GTF2IRD1: variants seen among roughly 807,000 people sequenced by gnomAD.
The protein encoded by GTF2IRD1 is general transcription factor II-I repeat domain-containing protein 1.
In GTF2IRD1, 26 loss-of-function variants were observed where a neutral mutation model predicts 113.2. That is an observed-to-expected ratio of 0.23 (90% CI 0.17 to 0.32). The LOEUF (loss-of-function observed/expected upper bound fraction) is 0.32, where lower values mean the gene tolerates loss of function less well. GTF2IRD1 is among the 10% of genes least tolerant of loss of function. The pLI is 1.00. For synonymous variants in GTF2IRD1, 484 were observed against 529.1 expected (o/e 0.91, Z 1.17); for missense variants, 864 against 1,280.8 (o/e 0.67, Z 4.97).
At chr7:74,579,599 C>T (rs1554365555) in intron 22 of GTF2IRD1, among the ~76,000 whole-genome samples, 1 of 143,964 alleles carries the variant, frequency 6.9e-6, no homozygotes. Context: ...CCCTGAGCGA[C>T]AGAGCAAGAC....
chr7:74,524,173 C>T lies in GTF2IRD1; in HGVS notation c.1090+19C>T, dbSNP rs373764877. 3.5e-5 allele frequency: 55 copies of T among 1,557,458 alleles called. No individual in the cohort carries two copies. Among genetic ancestry groups the T allele is most frequent in the Non-Finnish European group, 4.9e-5 (55 of 1,133,704 alleles). Reference sequence around the variant, plus strand: ...AGATATGGTGAGTGGGCGGCGCGGCCCGCCGTGTGGCCCCAGCAGCCGTGT... The same window carrying T: ...AGATATGGTGAGTGGGCGGCGCGGCTCGCCGTGTGGCCCCAGCAGCCGTGT... On this transcript the variant is annotated intron_variant, in intron 8 of 26. Transcript: ENST00000424337.
chr7:74,473,496 C>T (rs1205677125), intron 1 of GTF2IRD1, among the ~76,000 whole-genome samples: 4 of 152,062 alleles, frequency 2.6e-5, no homozygotes, highest in East Asian at 1.9e-4. Flanking sequence ...ACAGTCATAG[C>T]TCACTGCAGC....
In GTF2IRD1 at chr7:74,492,401, A is replaced by G. The variant is rs187573948; in HGVS notation, c.-6-15674A>G. 2.6e-5 allele frequency among the ~76,000 whole-genome samples: 4 copies of G among 151,596 alleles called. No individual in the cohort carries two copies. In the East Asian group the frequency reaches 5.8e-4, roughly 22 times the overall value. On this transcript the variant is annotated intron_variant, in intron 1 of 26. Coordinates refer to ENST00000424337, the MANE Select transcript of GTF2IRD1 (RefSeq NM_005685.4). ...TAGCCAGGATGGTCTTGATCTCCTG[A>G]CCTCATGATCTGCCCACCTTGGCCT...
At chr7:74,462,685 G>A (rs553204929) in intron 1 of GTF2IRD1, among the ~76,000 whole-genome samples, 6 of 152,250 alleles carry the variant, frequency 3.9e-5, no homozygotes, top group Admixed American at 6.5e-5. Context: ...TCTGGCTGGC[G>A]GGGGGCCTGT....
chr7:74,548,982 G>A (rs1453959590), intron 17 of GTF2IRD1, among the ~76,000 whole-genome samples: 1 of 151,986 alleles, frequency 6.6e-6, no homozygotes, highest in Non-Finnish European at 1.5e-5. Context: ...TACTGTAATA[G>A]CACATATTTA....
chr7:74,518,684 A>G (rs1797095912), intron 5 of GTF2IRD1, among the ~76,000 whole-genome samples: 1 of 152,094 alleles, frequency 6.6e-6, no homozygotes, highest in Non-Finnish European at 1.5e-5. Flanking sequence ...GTTCAAGACC[A>G]GCCTGGGCAA....
At chr7:74,567,303 G>A (rs1438116824) in intron 22 of GTF2IRD1, among the ~76,000 whole-genome samples, 6 of 151,654 alleles carry the variant, frequency 4.0e-5, no homozygotes, top group East Asian at 1.9e-4. Context: ...ACTCCAACCC[G>A]GCGACACAGC....
In GTF2IRD1 at chr7:74,515,677, C is replaced by G. The variant is rs587733056; in HGVS notation, c.421+81C>G. 125 of 1,303,874 alleles carry G rather than the reference C, an allele frequency of 9.6e-5. No homozygotes were observed. The Middle Eastern group carries it at 4.1e-3, about 42-fold the overall frequency. The allele number at this position is 1,303,874 out of a possible 1,614,324, so 80.8% of individuals were successfully genotyped here. ...CCCACCCAGCAGAGGGGGCCCCCTC[C>G]TGTCCCACTATGGGCCCTGGGCAAA... On this transcript the variant is annotated intron_variant, in intron 4 of 26. Transcript: ENST00000424337.
At chr7:74,560,694 G>C (rs1328550962) in intron 22 of GTF2IRD1, among the ~76,000 whole-genome samples, 2 of 151,782 alleles carry the variant, frequency 1.3e-5, no homozygotes, top group African/African-American at 2.4e-5. Flanking sequence ...AAGCTATTCT[G>C]CCTCAGCCTA....
chr7:74,602,286 C>T, intron 26 of GTF2IRD1, 79 bp from the exon 27 acceptor site: 1 of 1,514,396 alleles, frequency 6.6e-7, no homozygotes, highest in Admixed American at 2.2e-5. Context: ...GAAAGCTCTT[C>T]CAAAAGCAGA....
At chr7:74,492,818 C>T (rs766033044) in intron 1 of GTF2IRD1, among the ~76,000 whole-genome samples, 1 of 152,044 alleles carries the variant, frequency 6.6e-6, no homozygotes, top group Non-Finnish European at 1.5e-5. Context: ...GGGCTGCCAG[C>T]ACTCCTGGGC....
At chr7:74,482,530 A>G (rs1794802600) in intron 1 of GTF2IRD1, among the ~76,000 whole-genome samples, 2 of 152,078 alleles carry the variant, frequency 1.3e-5, no homozygotes, top group South Asian at 2.1e-4. Flanking sequence ...TTCTGGCCTT[A>G]TGCACACTTT....
At chr7:74,575,634 T>C (rs587640357) in intron 22 of GTF2IRD1, among the ~76,000 whole-genome samples, 6 of 152,264 alleles carry the variant, frequency 3.9e-5, no homozygotes, top group African/African-American at 1.4e-4. Flanking sequence ...AATGTGCTGA[T>C]ATAAGCTGTG....
At chr7:74,471,176 T>C (rs1323608588) in intron 1 of GTF2IRD1, among the ~76,000 whole-genome samples, 1 of 152,100 alleles carries the variant, frequency 6.6e-6, no homozygotes, top group South Asian at 2.1e-4. Context: ...GTGGGAGAGT[T>C]TTTGGGGAGA....
At chr7:74,515,855 AG>A (rs1308023692) in intron 4 of GTF2IRD1, among the ~76,000 whole-genome samples, 2 of 152,158 alleles carry the variant, frequency 1.3e-5, no homozygotes, top group African/African-American at 4.8e-5. Context: ...GCCTAGAAAT[AG>A]CCCCAGGCTT....
At chr7:74,502,793 T>C (rs1299120911) in intron 1 of GTF2IRD1, among the ~76,000 whole-genome samples, 1 of 151,664 alleles carries the variant, frequency 6.6e-6, no homozygotes, top group Non-Finnish European at 1.5e-5. Flanking sequence ...CTTCTTGGAG[T>C]CTGGAATAGG....
intron 22 of GTF2IRD1, among the ~76,000 whole-genome samples, chr7:74,581,435 T>C (rs1363925395): frequency 6.6e-6 from 1 of 152,240 alleles, no homozygotes; most frequent in African/African-American, 2.4e-5. Flanking sequence ...GGTAGACCAC[T>C]GGGCTTGTGA....
chr7:74,527,796 G>A (rs1171838245), intron 8 of GTF2IRD1, among the ~76,000 whole-genome samples: 2 of 151,588 alleles, frequency 1.3e-5, no homozygotes, highest in African/African-American at 4.9e-5. Flanking sequence ...AGCCAAGATT[G>A]TGCCGCTGCA....
chr7:74,458,998 C>G (rs1481736424), intron 1 of GTF2IRD1, among the ~76,000 whole-genome samples: 3 of 152,110 alleles, frequency 2.0e-5, no homozygotes, highest in Non-Finnish European at 4.4e-5. Flanking sequence ...TGGTAGCTCT[C>G]TCTCCACTCG....
Sources: allele counts gnomAD v4.1 joint callset (sites outside exome capture counted in the v4.1 genomes callset), GRCh38; gene constraint gnomAD v4.1.1; transcripts MANE v1.5; gene names NCBI Gene and HGNC (gene_info 2026-07-23, HGNC 2026-07-21).